ZNF521: variants seen among roughly 807,000 people sequenced by gnomAD.
ZNF521 encodes the protein zinc finger protein 521.
Under a neutral mutation model 105.5 loss-of-function variants are expected in ZNF521, and 14 were observed. That is an observed-to-expected ratio of 0.13 (90% confidence interval 0.09 to 0.21). ZNF521 has a LOEUF of 0.21. Ranked by LOEUF, ZNF521 falls within the 10% of genes least tolerant of loss-of-function variation. The pLI is 1.00. For missense variants in ZNF521, 1,233 were observed against 1,629.7 expected (o/e 0.76, Z 4.19); for synonymous variants, 635 against 606.0 (o/e 1.05, Z -0.70).
chr18:25,282,396 G>A (rs1053342454), intron 3 of ZNF521, among the ~76,000 whole-genome samples: 1 of 152,142 alleles, frequency 6.6e-6, no homozygotes, highest in African/African-American at 2.4e-5. Flanking sequence ...ACTAGACCAG[G>A]GAGCAAAGTG....
intron 2 of ZNF521, among the ~76,000 whole-genome samples, chr18:25,349,158 C>G (rs542773532): frequency 4.6e-5 from 7 of 152,262 alleles, no homozygotes; most frequent in African/African-American, 1.7e-4. Context: ...CGCTATCCTA[C>G]TTCAACTCGG....
chr18:25,321,099 C>A (rs1238135458), intron 3 of ZNF521, among the ~76,000 whole-genome samples: 1 of 152,146 alleles, frequency 6.6e-6, no homozygotes, highest in African/African-American at 2.4e-5. Context: ...TTCCCATACT[C>A]GCTTAATGGA....
intron 3 of ZNF521, among the ~76,000 whole-genome samples, chr18:25,270,584 A>C (rs773926155): frequency 9.8e-5 from 15 of 152,342 alleles, no homozygotes; most frequent in Non-Finnish European, 2.1e-4. Flanking sequence ...CACCATGATC[A>C]AGCCAGCTTC....
chr18:25,290,910 G>T (rs1910980760), intron 3 of ZNF521, among the ~76,000 whole-genome samples: 1 of 152,148 alleles, frequency 6.6e-6, no homozygotes, highest in Non-Finnish European at 1.5e-5. Flanking sequence ...TGGATGGATG[G>T]ATGGATGGGT....
In ZNF521 at chr18:25,344,434, A is replaced by G. The variant is rs148109317; in HGVS notation, c.40+6473T>C. Among the ~76,000 whole-genome samples, 1,204 of 152,324 alleles carry G rather than the reference A, an allele frequency of 7.9e-3. 15 individuals carry two copies. Among genetic ancestry groups the G allele is most frequent in the African/African-American group, 0.027 (1,131 of 41,570 alleles). ...AGAACATATTTTAAATCAGACAAGT[A>G]CGCTTTCACTACAACAAACAAGGTA... On this transcript the variant is annotated intron_variant, in intron 2 of 7. Transcript: ENST00000361524.
chr18:25,189,546 A>G (rs2035783209), intron 5 of ZNF521, among the ~76,000 whole-genome samples: 1 of 152,214 alleles, frequency 6.6e-6, no homozygotes, highest in Non-Finnish European at 1.5e-5. Context: ...ACCAGGCCAC[A>G]GGCTCCATCC....
chr18:25,269,995 C>G (rs777969089), intron 3 of ZNF521, among the ~76,000 whole-genome samples: 3 of 151,802 alleles, frequency 2.0e-5, no homozygotes, highest in Non-Finnish European at 4.4e-5. Context: ...AATCCAGGAG[C>G]TGGTTTTTGA....
At chr18:25,075,060 G>T (rs1328725634) in intron 7 of ZNF521, among the ~76,000 whole-genome samples, 1 of 152,106 alleles carries the variant, frequency 6.6e-6, no homozygotes, top group Non-Finnish European at 1.5e-5. Context: ...GGGCCAGGCG[G>T]CAGGCATGGT....
intron 3 of ZNF521, among the ~76,000 whole-genome samples, chr18:25,318,974 A>G (rs987741881): frequency 6.6e-6 from 1 of 151,884 alleles, no homozygotes; most frequent in Admixed American, 6.6e-5. Flanking sequence ...AGAAAAGAAA[A>G]GAAAAATTGC....
intron 6 of ZNF521, among the ~76,000 whole-genome samples, chr18:25,089,914 CA>C (rs2033707594): frequency 6.6e-6 from 1 of 152,124 alleles, no homozygotes; most frequent in South Asian, 2.1e-4. Context: ...CTCAGCAACC[CA>C]CAGGTTAAGA....
At chr18:25,188,370 T>C (rs1033160009) in intron 5 of ZNF521, among the ~76,000 whole-genome samples, 2 of 152,190 alleles carry the variant, frequency 1.3e-5, no homozygotes, top group African/African-American at 4.8e-5. Flanking sequence ...TTTACTGCTA[T>C]TAATGGCCCT....
chr18:25,096,877 T>C (rs2033862574), intron 5 of ZNF521, among the ~76,000 whole-genome samples: 1 of 152,168 alleles, frequency 6.6e-6, no homozygotes, highest in Non-Finnish European at 1.5e-5. Flanking sequence ...AAAGCTCTGA[T>C]CTGAGTGGGA....
intron 3 of ZNF521, among the ~76,000 whole-genome samples, chr18:25,316,354 A>C (rs1330428669): frequency 1.4e-5 from 2 of 146,874 alleles, no homozygotes; most frequent in Admixed American, 6.9e-5. Context: ...AGAAAAAAGT[A>C]ATAAAACCAA....
intron 3 of ZNF521, among the ~76,000 whole-genome samples, chr18:25,280,269 C>A (rs144206121): frequency 6.6e-6 from 1 of 152,296 alleles, no homozygotes; most frequent in Non-Finnish European, 1.5e-5. Context: ...GACACCAGCA[C>A]CATTAAGTGG....
At chr18:25,321,027 C>A (rs1157576833) in intron 3 of ZNF521, among the ~76,000 whole-genome samples, 2 of 152,200 alleles carry the variant, frequency 1.3e-5, no homozygotes, top group Admixed American at 6.5e-5. Context: ...ACTTTAAAAT[C>A]TTATAAAAAT....
chr18:25,265,443 C>T (rs1427152133), intron 3 of ZNF521, among the ~76,000 whole-genome samples: 1 of 152,190 alleles, frequency 6.6e-6, no homozygotes, highest in Admixed American at 6.5e-5. Context: ...TCTCTCTCCC[C>T]CTGATATCAG....
chr18:25,317,394 C>G (rs1338220008), intron 3 of ZNF521, among the ~76,000 whole-genome samples: 2 of 151,996 alleles, frequency 1.3e-5, no homozygotes, highest in Non-Finnish European at 2.9e-5. Flanking sequence ...TAGAGCTGAA[C>G]ATAAGAATAA....
At position 25,244,555 on chromosome 18, in the gene ZNF521, A is replaced by C. The variant is rs148152459; in HGVS notation, c.221-16858T>G. On this transcript the variant is annotated intron_variant, in intron 3 of 7. Coordinates refer to ENST00000361524, the MANE Select transcript of ZNF521 (RefSeq NM_015461.3). ...AAGGGACCCAGAGTCTTTGTTCTGG[A>C]AGTGAATCCTGGGGAAATGCAAGTC... 4.1e-3 allele frequency among the ~76,000 whole-genome samples: 630 copies of C among 152,302 alleles called. 2 individuals carry two copies. Among genetic ancestry groups the C allele is most frequent in the African/African-American group, 0.014 (585 of 41,560 alleles).
In ZNF521 at chr18:25,226,290, C is replaced by T. The variant is rs775684318; in HGVS notation, c.1628G>A (p.Arg543Gln). Residue 543 changes from arginine to glutamine, a missense_variant, in exon 4 of 8, where the codon CGA (arginine) becomes CAA (glutamine). Arg to Gln is a conservative substitution (Grantham distance 43, BLOSUM62 1). Around this residue, in one of 6 missense-constraint regions of ZNF521, gnomAD observed 380 missense variants for 478.0 expected, o/e 0.80. Transcript: ENST00000361524. The surrounding 1 kb of genome is among the most constrained non-coding windows in gnomAD (Gnocchi z 4.1). ...AGTCCCAAGCACTGGAGACCCAAAT[C>T]GGGAGCCACTGAGGTCACAATGAAC... is the stretch of plus-strand genomic sequence containing the variant. ...RQVHCDLSGSRFGSPVLGTPK... is the reference protein window; with the variant it reads ...RQVHCDLSGSQFGSPVLGTPK... The T allele has an allele frequency of 9.9e-6, 16 of 1,614,016 alleles. No homozygotes were observed. The highest frequency in any genetic ancestry group is 1.3e-5 in the African/African-American group (1 of 74,908).
Sources: gnomAD v4.1 joint callset for allele counts (sites outside exome capture counted in the v4.1 genomes callset) on GRCh38, gnomAD v4.1.1 for gene constraint, gnomAD v4.1.1 regional missense constraint, Gnocchi (gnomAD v3.1) non-coding constraint, MANE v1.5 for transcripts, NCBI Gene and HGNC (gene_info 2026-07-23, HGNC 2026-07-21) for gene names.